ARHGAP6: variants seen among roughly 807,000 people sequenced by gnomAD.
The protein encoded by ARHGAP6 is Rho GTPase activating protein 6, also known as rho GTPase-activating protein 6.
In ARHGAP6, 16 loss-of-function variants were observed where a neutral mutation model predicts 55.7. The ratio of observed to expected loss-of-function variants is 0.29; its 90% CI spans 0.19 to 0.44. The LOEUF (loss-of-function observed/expected upper bound fraction) is 0.44, where lower values mean the gene tolerates loss of function less well. Ranked by LOEUF, ARHGAP6 falls within the 20% of genes least tolerant of loss-of-function variation. The pLI, the probability that ARHGAP6 is intolerant of heterozygous loss-of-function variation, is 1.00. For synonymous variants in ARHGAP6, 382 were observed against 360.9 expected, an observed-to-expected ratio of 1.06 and a Z score of -0.66; for missense variants, 698 against 808.9, an observed-to-expected ratio of 0.86 and a Z score of 1.66.
chrX:11,442,874 T>C (rs1254257540), intron 1 of ARHGAP6, among the ~76,000 whole-genome samples: 1 of 112,173 alleles, frequency 8.9e-6, no homozygotes, highest in East Asian at 2.8e-4. Flanking sequence ...GAGGGACATG[T>C]CATAGGCATC....
At chrX:11,211,272 A>T (rs1237717240) in intron 2 of ARHGAP6, among the ~76,000 whole-genome samples, 3 of 95,189 alleles carry the variant, frequency 3.2e-5, no homozygotes, top group Non-Finnish European at 6.1e-5. Flanking sequence ...CCCAGGCTGG[A>T]GTGCACTGGC....
In ARHGAP6 at chrX:11,174,622, CTTT is replaced by C. The variant is rs1409067898; in HGVS notation, c.1629+3475_1629+3477del. On this transcript the variant is annotated intron_variant, in intron 8 of 12. Transcript: ENST00000337414. ...TTTCTTTCTTTCTTTCTTTCTCTTT[CTTT>C]TCTTTCTTTCTTTCTTTCTTTCTTT... Among the ~76,000 whole-genome samples the C allele has an allele frequency of 8.5e-4, 43 of 50,760 alleles. 1 individual carries two copies. The highest frequency in any genetic ancestry group is 6.9e-3 in the East Asian group (13 of 1,897). The allele number at this position is 50,760 out of a possible 115,157, so 44.1% of individuals were successfully genotyped here. A position where few individuals can be genotyped will look rare whatever the true frequency, so the allele number is the denominator to read the frequency against.
chrX:11,528,412 T>C (rs920580477), intron 1 of ARHGAP6, among the ~76,000 whole-genome samples: 2 of 111,971 alleles, frequency 1.8e-5, no homozygotes, highest in African/African-American at 6.5e-5. Flanking sequence ...ATATTCCCCT[T>C]TTATTCTGGC....
intron 1 of ARHGAP6, among the ~76,000 whole-genome samples, chrX:11,553,296 C>T (rs1482231509): frequency 9.2e-6 from 1 of 108,498 alleles, no homozygotes; most frequent in African/African-American, 3.4e-5. Context: ...GGCTGGAATG[C>T]AGTGCTGCAA....
intron 1 of ARHGAP6, among the ~76,000 whole-genome samples, chrX:11,258,582 A>T (rs1350025522): frequency 1.8e-5 from 2 of 112,152 alleles, no homozygotes; most frequent in South Asian, 7.4e-4. Context: ...CAATTAAAAC[A>T]GTTCCAACAC....
At chrX:11,610,669 CATATG>C (rs750330507) in intron 1 of ARHGAP6, among the ~76,000 whole-genome samples, 169 of 112,360 alleles carry the variant, frequency 1.5e-3, no homozygotes, top group African/African-American at 5.2e-3. Flanking sequence ...GTGTAATTTA[CATATG>C]ATATAATTCA....
intron 1 of ARHGAP6, among the ~76,000 whole-genome samples, chrX:11,425,630 C>T (rs2049870403): frequency 8.9e-6 from 1 of 111,994 alleles, no homozygotes; most frequent in Admixed American, 9.4e-5. Context: ...GAATAAAGGG[C>T]TATTTCATCA....
At chrX:11,183,005 T>C (rs2046339200) in intron 5 of ARHGAP6, among the ~76,000 whole-genome samples, 1 of 111,675 alleles carries the variant, frequency 9.0e-6, no homozygotes, top group Non-Finnish European at 1.9e-5. Context: ...ATAATATCTA[T>C]TGACAGAGAG....
intron 1 of ARHGAP6, among the ~76,000 whole-genome samples, chrX:11,602,753 C>A (rs60374596): frequency 0.16 from 17,960 of 111,822 alleles, 1,150 homozygotes; most frequent in Middle Eastern, 0.23. Context: ...TGCTTATCTG[C>A]CAGACCCACG....
chrX:11,286,317 A>G (rs2047921201), intron 1 of ARHGAP6, among the ~76,000 whole-genome samples: 1 of 111,461 alleles, frequency 9.0e-6, no homozygotes, highest in African/African-American at 3.3e-5. Context: ...TTTTTTAGTG[A>G]CCGAAAAAAT....
intron 1 of ARHGAP6, among the ~76,000 whole-genome samples, chrX:11,373,405 AG>A (rs201560746): frequency 0.014 from 1,611 of 111,475 alleles, 26 homozygotes; most frequent in African/African-American, 0.049. Flanking sequence ...AAAGAGAGAG[AG>A]AAAAAAGCAA....
Position 11,241,567 on chromosome X carries a change from T to TGC in ARHGAP6, c.748+12980_748+12981insGC, listed in dbSNP as rs756522512. Among the ~76,000 whole-genome samples, 239 of 104,177 alleles carry TGC rather than the reference T, an allele frequency of 2.3e-3. 1 individual carries two copies. The Middle Eastern group carries it at 0.031, about 13-fold the overall frequency. 90.5% of individuals were successfully genotyped at this position (104,177 alleles called of 115,157 possible). On this transcript the variant is annotated intron_variant, in intron 2 of 12. Transcript: ENST00000337414. ...GTGTGTGTGTGTGTGTGTGTGTGTG[T>TGC]GTGTGTGCGCGTGTGTCATCTTCAA...
chrX:11,467,849 A>G (rs2050308858), intron 1 of ARHGAP6, among the ~76,000 whole-genome samples: 1 of 110,531 alleles, frequency 9.0e-6, no homozygotes, highest in African/African-American at 3.3e-5. Flanking sequence ...GCTTGGTAGC[A>G]TGCACCTGTA....
chrX:11,343,731 T>C (rs905745731), intron 1 of ARHGAP6, among the ~76,000 whole-genome samples: 1 of 111,655 alleles, frequency 9.0e-6, no homozygotes, highest in Non-Finnish European at 1.9e-5. Context: ...GTGACTTCAA[T>C]GCACTCTCAA....
At chrX:11,301,302 G>T (rs1603044458) in intron 1 of ARHGAP6, among the ~76,000 whole-genome samples, 1 of 112,332 alleles carries the variant, frequency 8.9e-6, no homozygotes. Context: ...ATAGAGAATT[G>T]CAGTGATTTT....
intron 11 of ARHGAP6, chrX:11,142,899 AT>A (rs757093339): frequency 8.9e-6 from 1 of 112,296 alleles, no homozygotes; most frequent in East Asian, 2.8e-4. Flanking sequence ...GTTATAGGAA[AT>A]GAATAGAAGG....
At chrX:11,523,707 C>T (rs1302294880) in intron 1 of ARHGAP6, among the ~76,000 whole-genome samples, 3 of 111,493 alleles carry the variant, frequency 2.7e-5, no homozygotes, top group African/African-American at 9.8e-5. Flanking sequence ...CCACCTATGC[C>T]TCTAGTTGTC....
chrX:11,294,940 T>C (rs2048056512), intron 1 of ARHGAP6: 1 of 889,727 alleles, frequency 1.1e-6, no homozygotes, highest in South Asian at 2.0e-5. Context: ...TAAAACAGTA[T>C]GAGATCAGAT....
At chrX:11,161,593 T>TAA (rs754430044) in intron 9 of ARHGAP6, among the ~76,000 whole-genome samples, 2 of 108,418 alleles carry the variant, frequency 1.8e-5, no homozygotes, top group African/African-American at 6.7e-5. Flanking sequence ...TCAAAAGCGC[T>TAA]AAAAAAAAAT....
Sources: gnomAD v4.1 joint callset for allele counts (sites outside exome capture counted in the v4.1 genomes callset) on GRCh38, gnomAD v4.1.1 for gene constraint, MANE v1.5 for transcripts, NCBI Gene and HGNC (gene_info 2026-07-23, HGNC 2026-07-21) for gene names.